The following TDRD1 variants were observed in gnomAD, a reference collection of about 807,000 sequenced individuals.
TDRD1 encodes tudor domain-containing protein 1.
Under a neutral mutation model 140.6 loss-of-function variants are expected in TDRD1, and 37 were observed. That is an observed-to-expected ratio of 0.26 (90% confidence interval 0.20 to 0.35). The LOEUF is 0.35. TDRD1 is among the 10% of genes least tolerant of loss of function. The pLI, the probability that TDRD1 is intolerant of heterozygous loss-of-function variation, is 1.00. For synonymous variants in TDRD1, 506 were observed against 475.7 expected, an observed-to-expected ratio of 1.06 and a Z score of -0.83; for missense variants, 1,243 against 1,393.0, an observed-to-expected ratio of 0.89 and a Z score of 1.71.
exon 23 of TDRD1, chr10:114,227,230 G>C (rs1248151383): frequency 6.2e-7 from 1 of 1,614,184 alleles, no homozygotes; most frequent in Admixed American, 1.7e-5. Flanking sequence ...TGTCGATGTA[G>C]CTGATAAGCT....
At chr10:114,203,879 TTAA>T (rs2034928099) in intron 8 of TDRD1, among the ~76,000 whole-genome samples, 191 bp from the exon 9 acceptor site, 1 of 152,234 alleles carries the variant, frequency 6.6e-6, no homozygotes, top group Admixed American at 6.5e-5. Flanking sequence ...GTGCATATTA[TTAA>T]TAACATGTCC....
At chr10:114,186,980 C>T (rs2033583775) in intron 1 of TDRD1, among the ~76,000 whole-genome samples, 1 of 152,136 alleles carries the variant, frequency 6.6e-6, no homozygotes, top group Non-Finnish European at 1.5e-5. Flanking sequence ...CCCGCTCAGC[C>T]ATTTTGGGAG....
At chr10:114,201,112 G>A (rs770863539) in intron 4 of TDRD1, among the ~76,000 whole-genome samples, 4 of 148,996 alleles carry the variant, frequency 2.7e-5, no homozygotes, top group Admixed American at 2.0e-4. Context: ...TGCCTCAGCC[G>A]CCCAAAGTGC....
At chr10:114,197,712 C>T (rs1427716358) in intron 3 of TDRD1, among the ~76,000 whole-genome samples, 7 of 150,166 alleles carry the variant, frequency 4.7e-5, no homozygotes, top group Non-Finnish European at 7.4e-5. Context: ...GGCTAGAGTG[C>T]AGTGGCATGA....
At chr10:114,216,608 C>G (rs1466968751) in intron 16 of TDRD1, among the ~76,000 whole-genome samples, 1 of 152,112 alleles carries the variant, frequency 6.6e-6, no homozygotes, top group Non-Finnish European at 1.5e-5. Context: ...AAAACAAATC[C>G]TTGTACTGTG....
exon 10 of TDRD1, chr10:114,204,792 C>T: frequency 6.2e-7 from 1 of 1,607,312 alleles, no homozygotes; most frequent in Non-Finnish European, 8.5e-7. Context: ...ATCAAAGCTA[C>T]TAAACCACTG....
chr10:114,195,889 A>G (rs1304241643), intron 3 of TDRD1, among the ~76,000 whole-genome samples: 1 of 152,060 alleles, frequency 6.6e-6, no homozygotes, highest in Non-Finnish European at 1.5e-5. Context: ...CAGTGTTTTC[A>G]AGTGTGTATC....
At chr10:114,183,700 C>CTTTTT (rs374468967) in intron 1 of TDRD1, among the ~76,000 whole-genome samples, 3 of 129,646 alleles carry the variant, frequency 2.3e-5, no homozygotes, top group African/African-American at 5.9e-5. Flanking sequence ...TCACAGTTAA[C>CTTTTT]TTTTTTTTTT....
At chr10:114,189,730 T>C (rs1479979562) in intron 2 of TDRD1, among the ~76,000 whole-genome samples, 1 of 152,226 alleles carries the variant, frequency 6.6e-6, no homozygotes, top group Non-Finnish European at 1.5e-5. Context: ...ACCCTGGGAT[T>C]ACGGGCATGA....
At chr10:114,181,143 A>C (rs2033026608) in intron 1 of TDRD1, among the ~76,000 whole-genome samples, 1 of 152,044 alleles carries the variant, frequency 6.6e-6, no homozygotes, top group Non-Finnish European at 1.5e-5. Context: ...TCAGTCCACT[A>C]CTCTTCTAGT....
At chr10:114,231,474 T>C in intron 25 of TDRD1, 1 of 1,599,330 alleles carries the variant, frequency 6.3e-7, no homozygotes, top group Admixed American at 1.8e-5. Context: ...GTTGATTTTT[T>C]TTCTTTTTCA....
chr10:114,194,461 A>G (rs528305078), intron 3 of TDRD1, among the ~76,000 whole-genome samples: 1 of 152,214 alleles, frequency 6.6e-6, no homozygotes, highest in South Asian at 2.1e-4. Context: ...TGTCAAATTT[A>G]TGTGTGGAAG....
At chr10:114,220,786 C>T (rs776472520) in exon 19 of TDRD1, 2 of 1,611,372 alleles carry the variant, frequency 1.2e-6, no homozygotes, top group East Asian at 2.2e-5. Flanking sequence ...TAAAGACTTA[C>T]CAAATGACAG....
At chr10:114,228,233 T>C (rs2036553265) in intron 25 of TDRD1, 1 of 1,447,140 alleles carries the variant, frequency 6.9e-7, no homozygotes, top group Non-Finnish European at 9.1e-7. Context: ...ATTGTAAGGC[T>C]GTACTTTCGT....
chr10:114,199,039 G>T (rs1354268900), intron 3 of TDRD1, 134 bp from the exon 4 acceptor site: 2 of 1,012,180 alleles, frequency 2.0e-6, no homozygotes, highest in Non-Finnish European at 2.8e-6. Context: ...TAAGTTCAGG[G>T]TTTTAGTTTA....
At chr10:114,231,194 C>G (rs908712706) in intron 25 of TDRD1, among the ~76,000 whole-genome samples, 2 of 152,212 alleles carry the variant, frequency 1.3e-5, no homozygotes. Context: ...CCTCTGTAAT[C>G]TGTTGCTCAG....
chr10:114,186,345 G>C (rs889537950), intron 1 of TDRD1, among the ~76,000 whole-genome samples: 1 of 152,016 alleles, frequency 6.6e-6, no homozygotes, highest in Non-Finnish European at 1.5e-5. Context: ...CTCACTGCAA[G>C]CTCCGCCTCC....
At chr10:114,210,448 C>A in intron 11 of TDRD1, 133 bp from the exon 12 acceptor site, 1 of 843,606 alleles carries the variant, frequency 1.2e-6, no homozygotes, top group Non-Finnish European at 1.8e-6. Flanking sequence ...ACACCATGAC[C>A]TCTCAGACTG....
chr10:114,203,000 C>A, intron 6 of TDRD1, 72 bp from the exon 7 acceptor site: 1 of 970,982 alleles, frequency 1.0e-6, no homozygotes, highest in Non-Finnish European at 1.7e-6. Flanking sequence ...GCAGTTCCGA[C>A]GTGTAGTGGC....
Sources: allele counts gnomAD v4.1 joint callset (sites outside exome capture counted in the v4.1 genomes callset), GRCh38; gene constraint gnomAD v4.1.1; transcripts MANE v1.5; gene names NCBI Gene and HGNC (gene_info 2026-07-23, HGNC 2026-07-21).